Variants in AVPR1A observed in about 807,000 individuals in gnomAD.
AVPR1A encodes arginine vasopressin receptor 1A.
In AVPR1A, 31 loss-of-function variants were observed where a neutral mutation model predicts 31.5. That is an observed-to-expected ratio of 0.99 (90% CI 0.74 to 1.33). The LOEUF (loss-of-function observed/expected upper bound fraction) is 1.33. Ranked by LOEUF, AVPR1A falls within the 40% of genes most tolerant of loss-of-function variation. AVPR1A has a pLI of 0.00. For missense variants in AVPR1A, 570 were observed against 575.2 expected (o/e 0.99, Z 0.09); for synonymous variants, 243 against 233.2 (o/e 1.04, Z -0.38).
In AVPR1A at chr12:63,147,555, T is replaced by A. The variant is rs1330870131; in HGVS notation, c.1061A>T (p.His354Leu). Residue 354 changes from histidine (H) to leucine (L), a missense_variant, in exon 2 of 2, where the codon CAT (histidine) becomes CTT (leucine). Coordinates refer to ENST00000299178, the MANE Select transcript of AVPR1A (RefSeq NM_000706.5). ...NPWIYMFFSG[H>L]LLQDCVQSFP... ...GCTTTGAACACAGTCTTGAAGGAGATGGCCACTAAAAAACATGTATATCCA... is the reference window on the plus strand; with the variant it reads ...GCTTTGAACACAGTCTTGAAGGAGAAGGCCACTAAAAAACATGTATATCCA... The A allele has an allele frequency of 6.2e-7, 1 of 1,614,162 alleles. No homozygotes were observed. The highest frequency in any genetic ancestry group is 2.2e-5 in the East Asian group (1 of 44,874).
In AVPR1A at chr12:63,150,540, G is replaced by C; in HGVS notation, c.297C>G (p.Ala99=). Residue 99 remains alanine (A), a synonymous_variant, in exon 1 of 2, where the codon GCC becomes GCG. Coordinates refer to ENST00000299178, the MANE Select transcript of AVPR1A (RefSeq NM_000706.5). This position sits in a 1 kb window ranked among gnomAD's most constrained non-coding sequence, Gnocchi z 4.9. ...FIRHLSLADL[A]VAFFQVLPQM... The stretch of plus-strand genomic sequence containing the variant: ...GCGGCAGCACCTGGAAGAATGCCAC[G>C]GCCAGGTCGGCCAGGCTGAGGTGTC... The C allele has an allele frequency of 6.2e-7, 1 of 1,612,908 alleles. No homozygotes were observed. Among genetic ancestry groups the C allele is most frequent in the Non-Finnish European group, 8.5e-7 (1 of 1,179,830 alleles).
rs151327743 is a variant in AVPR1A at position 63,147,635 on chromosome 12, G to A, written c.981C>T (p.Asn327=). 1 of 1,610,008 alleles carries A rather than the reference G, an allele frequency of 6.2e-7. No homozygotes were observed. Among genetic ancestry groups the A allele is most frequent in the South Asian group, 1.1e-5 (1 of 90,958 alleles). ...GTAATGCAGTGATGGTGATGGTAGG[G>A]TTTTCCGATTCTGCATGAAAAATAT... is the stretch of plus-strand genomic sequence containing the variant. The part of the protein sequence containing the change: ...DPMSVWTESE[N]PTITITALLG... The change falls in exon 2 of 2, where the codon AAC becomes AAT. Residue 327 remains asparagine, a synonymous_variant. Coordinates refer to ENST00000299178, the MANE Select transcript of AVPR1A (RefSeq NM_000706.5).
rs34199280 is a variant in AVPR1A at position 63,149,798 on chromosome 12, TCACA to T, written c.970+65_970+68del. 5,397 of 929,182 alleles carry T rather than the reference TCACA, an allele frequency of 5.8e-3. 45 individuals are homozygous for T. The highest frequency in any genetic ancestry group is 0.045 in the African/African-American group (2,045 of 45,398). The allele number at this position is 929,182 out of a possible 1,614,324, so 57.6% of individuals were successfully genotyped here. A position where few individuals can be genotyped will look rare whatever the true frequency, so the allele number is the denominator to read the frequency against. ...CTCTCTCTCTCTCTCTCTCTCTCTCTCACACACACACACACACACACACACACAC... is the reference window on the plus strand; with the variant it reads ...CTCTCTCTCTCTCTCTCTCTCTCTCTCACACACACACACACACACACACAC... On this transcript the variant is annotated intron_variant, in intron 1 of 1. Transcript: ENST00000299178.
chr12:63,145,500 A>C lies in AVPR1A; in HGVS notation c.*1859T>G, dbSNP rs983199549. On this transcript the variant is annotated 3_prime_UTR_variant, in exon 2 of 2. Transcript: ENST00000299178. ...ATTAGCTGGGTGTGGTGGCACATGC[A>C]TATAGTCCCAGCTACTCGGGAGGCT... 6.9e-5 allele frequency: 27 copies of C among 393,116 alleles called. No individual in the cohort carries two copies. The highest frequency in any genetic ancestry group is 1.3e-4 in the Non-Finnish European group (27 of 203,380). The allele number at this position is 393,116 out of a possible 1,614,324, so 24.4% of individuals were successfully genotyped here.
rs777708544 is a variant in AVPR1A at position 63,150,613 on chromosome 12, G to A, written c.224C>T (p.Ala75Val). 6.2e-7 allele frequency: 1 copy of A among 1,610,090 alleles called. No individual in the cohort carries two copies. The highest frequency in any genetic ancestry group is 8.5e-7 in the Non-Finnish European group (1 of 1,179,902). Residue 75 changes from alanine to valine, a missense_variant, in exon 1 of 2, where the codon GCT becomes GTT. Coordinates refer to ENST00000299178, the MANE Select transcript of AVPR1A (RefSeq NM_000706.5). The surrounding 1 kb of genome is among the most constrained non-coding windows in gnomAD (Gnocchi z 4.9). ...AVLGNSSVLL[A>V]LHRTPRKTSR... ...CGTCTTGCGCGGCGTCCGGTGCAGA[G>A]CCAGCAGTACGCTGCTGTTGCCCAG...
In AVPR1A at chr12:63,147,447, T is replaced by C; in HGVS notation, c.1169A>G (p.Asn390Ser). 1 of 1,614,144 alleles carries C rather than the reference T, an allele frequency of 6.2e-7. No homozygotes were observed. The highest frequency in any genetic ancestry group is 8.5e-7 in the Non-Finnish European group (1 of 1,179,984). ...CGTACTGTTTGTTGGGCTTCGATTG[T>C]TAGAATAAAAAGTCTGTCTTCTGCT... ...SMSRRQTFYS[N>S]NRSPTNSTGM... The change falls in exon 2 of 2, where the codon AAC (asparagine) becomes AGC (serine). Residue 390 changes from asparagine to serine, a missense_variant. By Grantham distance (46) the Asn-to-Ser change is conservative. Transcript: ENST00000299178.
At position 63,150,928 on chromosome 12, in the gene AVPR1A, C is replaced by T. The variant is rs1310279183; in HGVS notation, c.-92G>A. On this transcript the variant is annotated 5_prime_UTR_variant, in exon 1 of 2. Transcript: ENST00000299178. The surrounding 1 kb of genome is among the most constrained non-coding windows in gnomAD (Gnocchi z 4.9). The stretch of plus-strand genomic sequence containing the variant: ...TCTCGGAGGACTTGGGCTCCTCGTC[C>T]GAAGCGCAGGGTCTTTGGCGCGCTC... The T allele has an allele frequency of 1.4e-6, 2 of 1,434,574 alleles. No individual in the cohort carries two copies. The highest frequency in any genetic ancestry group is 2.9e-5 in the Admixed American group (1 of 35,054). 88.9% of individuals were successfully genotyped at this position (1,434,574 alleles called of 1,614,324 possible).
At position 63,146,970 on chromosome 12, in the gene AVPR1A, G is replaced by A; in HGVS notation, c.*389C>T. ...CTCTGAATATTAAGACTGATGATGA[G>A]CTCTCTTTGTTCAGAAATAGTGCCG... is the stretch of plus-strand genomic sequence containing the variant. On this transcript the variant is annotated 3_prime_UTR_variant, in exon 2 of 2. Transcript: ENST00000299178. 1 of 182,086 alleles carries A rather than the reference G, an allele frequency of 5.5e-6. No homozygotes were observed. The highest frequency in any genetic ancestry group is 1.4e-4 in the East Asian group (1 of 7,364). 11.3% of individuals were successfully genotyped at this position (182,086 alleles called of 1,614,324 possible).
intron 1 of AVPR1A, 94 bp downstream of exon 1, chr12:63,149,771 TTC>T (rs763217726): frequency 0.16 from 138,161 of 871,764 alleles, 2,098 homozygotes; most frequent in Admixed American, 0.27. Flanking sequence ...TCTCATTTTT[TTC>T]TCTCTCTCTC....
Position 63,151,140 on chromosome 12 carries a change from A to C in AVPR1A, c.-304T>G. On this transcript the variant is annotated 5_prime_UTR_variant, in exon 1 of 2. Transcript: ENST00000299178. The stretch of plus-strand genomic sequence containing the variant: ...CACTGGGTTCCCAACTCAAGTATTT[A>C]TGCGGTGCTTGTTTCCTTGGGACGC... 1 of 353,264 alleles carries C rather than the reference A, an allele frequency of 2.8e-6. No homozygotes were observed. Among genetic ancestry groups the C allele is most frequent in the Non-Finnish European group, 5.2e-6 (1 of 194,052 alleles). 21.9% of individuals were successfully genotyped at this position (353,264 alleles called of 1,614,324 possible). A position where few individuals can be genotyped will look rare whatever the true frequency, so the allele number is the denominator to read the frequency against.
At chr12:63,148,450 T>C (rs1868391290) in intron 1 of AVPR1A, among the ~76,000 whole-genome samples, 1 of 152,134 alleles carries the variant, frequency 6.6e-6, no homozygotes, top group South Asian at 2.1e-4. Flanking sequence ...CAGAAAACAA[T>C]TACAGGTTAT....
Position 63,147,315 on chromosome 12 carries a change from GC to G in AVPR1A, c.*43del, listed in dbSNP as rs748889364. 6.3e-7 allele frequency: 1 copy of G among 1,595,486 alleles called. No homozygotes were observed. Among genetic ancestry groups the G allele is most frequent in the Admixed American group, 1.7e-5 (1 of 59,088 alleles). On this transcript the variant is annotated 3_prime_UTR_variant, in exon 2 of 2. Coordinates refer to ENST00000299178, the MANE Select transcript of AVPR1A (RefSeq NM_000706.5). ...ATTTCTAGCTCAATTCAGCTAATGA[GC>G]CAAAAAGTCAATCACAAGAATCAAG...
Position 63,146,277 on chromosome 12 carries a change from TTC to T in AVPR1A, c.*1080_*1081del, listed in dbSNP as rs1486004449. 9.2e-5 allele frequency: 14 copies of T among 152,218 alleles called. No homozygotes were observed. The highest frequency in any genetic ancestry group is 7.3e-5 in the Non-Finnish European group (5 of 68,050). 9.4% of individuals were successfully genotyped at this position (152,218 alleles called of 1,614,324 possible). A position where few individuals can be genotyped will look rare whatever the true frequency, so the allele number is the denominator to read the frequency against. On this transcript the variant is annotated 3_prime_UTR_variant, in exon 2 of 2. Transcript: ENST00000299178. ...GGAAGCCAGTCTGGGCACAGAGCAG[TTC>T]TCTTTCCATCTGTCACCCATGTCCC...
At chr12:63,147,689 C>T (rs781420107) in intron 1 of AVPR1A, 44 bp from the exon 2 acceptor site, 2 of 1,563,134 alleles carry the variant, frequency 1.3e-6, no homozygotes, top group Admixed American at 1.8e-5. Flanking sequence ...GTAAGTGAAC[C>T]ATGGATAAAC....
In AVPR1A at chr12:63,150,662, C is replaced by T. The variant is rs773538485; in HGVS notation, c.175G>A (p.Ala59Thr). The T allele has an allele frequency of 2.5e-6, 4 of 1,609,028 alleles. No homozygotes were observed. The highest frequency in any genetic ancestry group is 3.4e-6 in the Non-Finnish European group (4 of 1,179,876). The change falls in exon 1 of 2, where the codon GCG (alanine) becomes ACG (threonine). Residue 59 changes from alanine (A) to threonine (T), a missense_variant. Transcript: ENST00000299178. The surrounding 1 kb of genome is among the most constrained non-coding windows in gnomAD (Gnocchi z 4.9). ...ELAKLEIAVL[A>T]VTFAVAVLGN... ...AGCACGGCCACCGCGAAAGTCACCG[C>T]CAGCACGGCGATCTCCAGTTTGGCC...
chr12:63,147,621 A>G lies in AVPR1A; in HGVS notation c.995T>C (p.Ile332Thr), dbSNP rs1868378135. 1 of 1,613,484 alleles carries G rather than the reference A, an allele frequency of 6.2e-7. No individual in the cohort carries two copies. Among genetic ancestry groups the G allele is most frequent in the African/African-American group, 1.3e-5 (1 of 74,936 alleles). The change falls in exon 2 of 2, where the codon ATC becomes ACC. Residue 332 changes from isoleucine (I) to threonine (T), a missense_variant. By Grantham distance (89) the Ile-to-Thr change is moderately conservative. Coordinates refer to ENST00000299178, the MANE Select transcript of AVPR1A (RefSeq NM_000706.5). ...WTESENPTIT[I>T]TALLGSLNSC... The stretch of plus-strand genomic sequence containing the variant: ...ATTCAAGGAACCCAGTAATGCAGTG[A>G]TGGTGATGGTAGGGTTTTCCGATTC...
Position 63,143,264 on chromosome 12 carries a change from T to C in AVPR1A, c.*4095A>G, listed in dbSNP as rs1868334162. ...TTCATTCATTTTATAATACTTTGTTTTAATTATTATTTAGAACATAAATCA... is the reference window on the plus strand; with the variant it reads ...TTCATTCATTTTATAATACTTTGTTCTAATTATTATTTAGAACATAAATCA... On this transcript the variant is annotated 3_prime_UTR_variant, in exon 2 of 2. Coordinates refer to ENST00000299178, the MANE Select transcript of AVPR1A (RefSeq NM_000706.5). 6.6e-6 allele frequency: 1 copy of C among 152,084 alleles called. No homozygotes were observed. Among genetic ancestry groups the C allele is most frequent in the Non-Finnish European group, 1.5e-5 (1 of 67,978 alleles). The allele number at this position is 152,084 out of a possible 1,614,324, so 9.4% of individuals were successfully genotyped here.
Position 63,149,767 on chromosome 12 carries a change from TTTTTTCTC to T in AVPR1A, c.970+92_970+99del, listed in dbSNP as rs201716429. 8.8e-5 allele frequency: 100 copies of T among 1,141,480 alleles called. No homozygotes were observed. In the East Asian group the frequency reaches 1.2e-3, roughly 14 times the overall value. 70.7% of individuals were successfully genotyped at this position (1,141,480 alleles called of 1,614,324 possible). A position where few individuals can be genotyped will look rare whatever the true frequency, so the allele number is the denominator to read the frequency against. On this transcript the variant is annotated intron_variant, in intron 1 of 1. Coordinates refer to ENST00000299178, the MANE Select transcript of AVPR1A (RefSeq NM_000706.5). ...ATGAAGAAAATTGCTAGATTCTCAT[TTTTTTCTC>T]TCTCTCTCTCTCTCTCTCTCTCTCA... is the stretch of plus-strand genomic sequence containing the variant.
In AVPR1A at chr12:63,150,084, C is replaced by T. The variant is rs138106477; in HGVS notation, c.753G>A (p.Thr251=). ...YNIWCNVRGK[T]ASRQSKGAEQ... ...CTGCACCCTTGCTCTGGCGCGACGC[C>T]GTCTTCCCGCGGACGTTGCACCAGA... is the stretch of plus-strand genomic sequence containing the variant. Residue 251 remains threonine, a synonymous_variant, in exon 1 of 2, where the codon ACG becomes ACA. Coordinates refer to ENST00000299178, the MANE Select transcript of AVPR1A (RefSeq NM_000706.5). The surrounding 1 kb of genome is among the most constrained non-coding windows in gnomAD (Gnocchi z 4.9). 1.2e-6 allele frequency: 2 copies of T among 1,614,086 alleles called. No homozygotes were observed. Among genetic ancestry groups the T allele is most frequent in the African/African-American group, 1.3e-5 (1 of 75,046 alleles).
Sources: allele counts gnomAD v4.1 joint callset (sites outside exome capture counted in the v4.1 genomes callset), GRCh38; gene constraint gnomAD v4.1.1; non-coding constraint Gnocchi (gnomAD v3.1); transcripts MANE v1.5; gene names NCBI Gene and HGNC (gene_info 2026-07-23, HGNC 2026-07-21).